Variants in AKNAD1 observed in about 807,000 individuals in gnomAD.
AKNAD1 encodes AKNA domain containing 1, also known as protein AKNAD1.
In AKNAD1, 67 loss-of-function variants were observed where a neutral mutation model predicts 90.8. That is an observed-to-expected ratio of 0.74 (90% CI 0.61 to 0.90). The LOEUF (loss-of-function observed/expected upper bound fraction) is 0.90, where lower values mean the gene tolerates loss of function less well. Ranked by LOEUF, AKNAD1 falls within the 40% of genes least tolerant of loss-of-function variation. The probability of loss-of-function intolerance (pLI) is 0.00; values close to 1 mark genes in which losing one functional copy is unlikely to be tolerated. For synonymous variants in AKNAD1, 327 were observed against 341.4 expected (o/e 0.96, Z 0.46); for missense variants, 957 against 975.4 (o/e 0.98, Z 0.25).
At chr1:108,851,359 A>G (rs559252065) in intron 2 of AKNAD1, among the ~76,000 whole-genome samples, 2 of 152,222 alleles carry the variant, frequency 1.3e-5, no homozygotes, top group Non-Finnish European at 2.9e-5. Flanking sequence ...GGGCCTGGGA[A>G]GAGGTTCTGG....
At chr1:108,850,996 A>G (rs964372907) in intron 2 of AKNAD1, among the ~76,000 whole-genome samples, 1 of 152,212 alleles carries the variant, frequency 6.6e-6, no homozygotes, top group Non-Finnish European at 1.5e-5. Flanking sequence ...ATCCATTACT[A>G]ACGATCTTAA....
In AKNAD1 at chr1:108,837,660, C is replaced by T; in HGVS notation, c.1426G>A (p.Val476Ile). 2 of 1,614,154 alleles carry T rather than the reference C, an allele frequency of 1.2e-6. No individual in the cohort carries two copies. The highest frequency in any genetic ancestry group is 1.7e-6 in the Non-Finnish European group (2 of 1,180,010). ...TTGCTTTCATCCATTTTCTCTTTAA[C>T]ATCTTCAAGCAGCATCTCCAATTTG... is the stretch of plus-strand genomic sequence containing the variant. ...IFKLEMLLEDVKEKMDESKYT... is the reference protein window; with the variant it reads ...IFKLEMLLEDIKEKMDESKYT... The change falls in exon 7 of 16, where the codon GTT becomes ATT. Residue 476 changes from valine (V) to isoleucine (I), a missense_variant. Physicochemically the swap from Val to Ile is conservative, Grantham distance 29. Coordinates refer to ENST00000370001, the MANE Select transcript of AKNAD1 (RefSeq NM_152763.5).
At chr1:108,846,322 A>T (rs1263646395) in intron 5 of AKNAD1, among the ~76,000 whole-genome samples, 1 of 152,188 alleles carries the variant, frequency 6.6e-6, no homozygotes, top group African/African-American at 2.4e-5. Context: ...AACATCAGGA[A>T]GAAACCTCCC....
chr1:108,850,241 T>C (rs1024923031), intron 2 of AKNAD1, among the ~76,000 whole-genome samples: 1 of 152,200 alleles, frequency 6.6e-6, no homozygotes. Flanking sequence ...CTGGTCAAAA[T>C]GGACTATGGT....
intron 5 of AKNAD1, among the ~76,000 whole-genome samples, chr1:108,844,445 TATAG>T (rs1033946375): frequency 2.0e-4 from 30 of 151,692 alleles, no homozygotes; most frequent in Admixed American, 1.9e-3. Flanking sequence ...TATATATAGA[TATAG>T]ATAGATAGAG....
In AKNAD1 at chr1:108,843,188, T is replaced by G. The variant is rs146735362; in HGVS notation, c.1325A>C (p.Gln442Pro). ...LATKDKHLTLQQQVHKHESTI... is the reference protein window; with the variant it reads ...LATKDKHLTLPQQVHKHESTI... The stretch of plus-strand genomic sequence containing the variant: ...TGATTCGTGCTTGTGGACTTGCTGC[T>G]GCAAAGTCAGATGCTTGTCCTTGGT... Residue 442 changes from glutamine (Q) to proline (P), a missense_variant, in exon 6 of 16, where the codon CAG (glutamine) becomes CCG (proline). Physicochemically the swap from Gln to Pro is moderately conservative, Grantham distance 76. Transcript: ENST00000370001. The G allele has an allele frequency of 2.5e-5, 40 of 1,614,084 alleles. No individual in the cohort carries two copies. Among genetic ancestry groups the G allele is most frequent in the Non-Finnish European group, 3.4e-5 (40 of 1,180,026 alleles).
At chr1:108,837,741 C>A (rs1274130689) in intron 6 of AKNAD1, 35 bp from the exon 7 acceptor site, 1 of 1,607,488 alleles carries the variant, frequency 6.2e-7, no homozygotes, top group African/African-American at 1.3e-5. Context: ...ATCTTCTGGG[C>A]TATGTGGTTG....
At chr1:108,823,137 C>T (rs1160408395) in intron 13 of AKNAD1, 8 of 712,036 alleles carry the variant, frequency 1.1e-5, no homozygotes, top group East Asian at 8.0e-5. Context: ...CCCTTAATAA[C>T]TTTCAAAGTC....
Position 108,816,163 on chromosome 1 carries a change from G to T in AKNAD1, c.*8C>A. 1 of 1,591,924 alleles carries T rather than the reference G, an allele frequency of 6.3e-7. No individual in the cohort carries two copies. The highest frequency in any genetic ancestry group is 8.5e-7 in the Non-Finnish European group (1 of 1,171,644). Reference sequence around the variant, plus strand: ...TTTCTTTTGAATCCTTGGTAGCCTAGCGTTGAACTAGTATTTCAGTCGATT... The same window carrying T: ...TTTCTTTTGAATCCTTGGTAGCCTATCGTTGAACTAGTATTTCAGTCGATT... On this transcript the variant is annotated 3_prime_UTR_variant, in exon 16 of 16. Coordinates refer to ENST00000370001, the MANE Select transcript of AKNAD1 (RefSeq NM_152763.5).
intron 9 of AKNAD1, 174 bp from the exon 10 acceptor site, chr1:108,830,824 G>A (rs1277220): frequency 0.8 from 503,217 of 627,040 alleles, 202,460 homozygotes; most frequent in East Asian, 0.88. Flanking sequence ...GGACAGGAGG[G>A]AAAGAAGAAA....
In AKNAD1 at chr1:108,851,932, T is replaced by C. The variant is rs375696379; in HGVS notation, c.733A>G (p.Asn245Asp). Reference protein sequence around the residue: ...KQQTEKANSGNTFKYGQGQVH... With the variant: ...KQQTEKANSGDTFKYGQGQVH... ...TGACCTTGGCCGTATTTGAACGTGT[T>C]GCCTGAATTTGCTTTTTCAGTCTGC... is the stretch of plus-strand genomic sequence containing the variant. The change falls in exon 2 of 16, where the codon AAC (asparagine) becomes GAC (aspartate). Residue 245 changes from asparagine (N) to aspartate (D), a missense_variant. Coordinates refer to ENST00000370001, the MANE Select transcript of AKNAD1 (RefSeq NM_152763.5). The C allele has an allele frequency of 6.2e-7, 1 of 1,614,142 alleles. No individual in the cohort carries two copies. Among genetic ancestry groups the C allele is most frequent in the Non-Finnish European group, 8.5e-7 (1 of 1,180,050 alleles).
intron 11 of AKNAD1, among the ~76,000 whole-genome samples, chr1:108,825,129 G>A (rs912309064): frequency 6.6e-6 from 1 of 151,616 alleles, no homozygotes; most frequent in South Asian, 2.1e-4. Flanking sequence ...AGCCATCTTG[G>A]AAGCAGATCT....
intron 12 of AKNAD1, 38 bp downstream of exon 12, chr1:108,823,528 T>TC: frequency 1.2e-6 from 2 of 1,611,616 alleles, no homozygotes; most frequent in Non-Finnish European, 1.7e-6. Flanking sequence ...ACAGTGACTG[T>TC]CCCCACTCGC....
intron 5 of AKNAD1, among the ~76,000 whole-genome samples, chr1:108,844,168 G>A (rs988125655): frequency 6.6e-6 from 1 of 152,164 alleles, no homozygotes; most frequent in African/African-American, 2.4e-5. Flanking sequence ...TTCAAGACCG[G>A]CCTGACCAAC....
intron 1 of AKNAD1, among the ~76,000 whole-genome samples, 189 bp downstream of exon 1, chr1:108,856,740 A>T (rs928845854): frequency 3.9e-5 from 6 of 151,906 alleles, no homozygotes; most frequent in African/African-American, 1.4e-4. Context: ...AAACACACAC[A>T]CACAAACACA....
rs1663626625 is a variant in AKNAD1 at position 108,816,827 on chromosome 1, C to T, written c.2379+221G>A. 2.7e-5 allele frequency: 13 copies of T among 476,838 alleles called. No homozygotes were observed. The South Asian group carries it at 3.7e-4, about 13-fold the overall frequency. The allele number at this position is 476,838 out of a possible 1,614,324, so 29.5% of individuals were successfully genotyped here. ...TAGCTGAGGCACCACCCACAAATCA[C>T]TTTCTCCAGGAAATTTCCCTTGGAA... On this transcript the variant is annotated intron_variant, in intron 15 of 15. Transcript: ENST00000370001.
chr1:108,852,766 T>C lies in AKNAD1; in HGVS notation c.-102A>G. The C allele has an allele frequency of 8.9e-7, 1 of 1,125,580 alleles. No individual in the cohort carries two copies. The highest frequency in any genetic ancestry group is 1.2e-6 in the Non-Finnish European group (1 of 812,696). The allele number at this position is 1,125,580 out of a possible 1,614,324, so 69.7% of individuals were successfully genotyped here. A position where few individuals can be genotyped will look rare whatever the true frequency, so the allele number is the denominator to read the frequency against. The stretch of plus-strand genomic sequence containing the variant: ...CACTGACTGTCTTCACTGTGTGCTA[T>C]TCTGTGTGAAATGAGAACAGCCTCA... On this transcript the variant is annotated splice_region_variant and 5_prime_UTR_variant, in exon 2 of 16. Transcript: ENST00000370001.
chr1:108,832,781 G>A (rs1664250736), intron 9 of AKNAD1, among the ~76,000 whole-genome samples: 1 of 152,046 alleles, frequency 6.6e-6, no homozygotes, highest in African/African-American at 2.4e-5. Context: ...AAAATAATGA[G>A]ATATCAGTTT....
intron 9 of AKNAD1, among the ~76,000 whole-genome samples, chr1:108,832,980 A>G (rs994785385): frequency 1.3e-4 from 20 of 152,162 alleles, no homozygotes; most frequent in African/African-American, 4.8e-4. Flanking sequence ...GTTTTATTCT[A>G]AGGAAATGAT....
Sources: allele counts gnomAD v4.1 joint callset (sites outside exome capture counted in the v4.1 genomes callset), GRCh38; gene constraint gnomAD v4.1.1; transcripts MANE v1.5; gene names NCBI Gene and HGNC (gene_info 2026-07-23, HGNC 2026-07-21).